The following AGBL4 variants were observed in gnomAD, a reference collection of about 807,000 sequenced individuals.
AGBL4 encodes the protein AGBL carboxypeptidase 4.
AGBL4 carries 58 observed loss-of-function variants against 66.4 expected under a neutral mutation model. The ratio of observed to expected loss-of-function variants is 0.87; its 90% CI spans 0.71 to 1.09. The LOEUF is 1.09. Ranked by LOEUF, AGBL4 falls within the 50% of genes least tolerant of loss-of-function variation. The pLI is 0.00. For missense variants in AGBL4, 579 were observed against 631.0 expected (o/e 0.92, Z 0.88); for synonymous variants, 234 against 222.9 (o/e 1.05, Z -0.44).
At chr1:49,560,877 T>G (rs1644021380) in intron 3 of AGBL4, among the ~76,000 whole-genome samples, 2 of 151,938 alleles carry the variant, frequency 1.3e-5, no homozygotes, top group Admixed American at 1.3e-4. Context: ...CCTTTAAACA[T>G]GAAGAGGGAA....
chr1:49,804,333 T>A (rs1235159655), intron 2 of AGBL4, among the ~76,000 whole-genome samples: 1 of 152,154 alleles, frequency 6.6e-6, no homozygotes, highest in Admixed American at 6.6e-5. Flanking sequence ...ATTTTGTGTG[T>A]GGCCCAAGAT....
At chr1:48,964,598 T>C (rs1658270118) in intron 5 of AGBL4, among the ~76,000 whole-genome samples, 1 of 152,196 alleles carries the variant, frequency 6.6e-6, no homozygotes, top group South Asian at 2.1e-4. Flanking sequence ...GAATTCCTTC[T>C]CTTTTATAGA....
intron 6 of AGBL4, among the ~76,000 whole-genome samples, chr1:48,802,817 C>T (rs928765891): frequency 6.6e-6 from 1 of 152,216 alleles, no homozygotes; most frequent in Non-Finnish European, 1.5e-5. Flanking sequence ...AATTTCACTT[C>T]ATACTTGAAC....
At position 49,053,180 on chromosome 1, in the gene AGBL4, T is replaced by C. The variant is rs117908693; in HGVS notation, c.378-7380A>G. 1.1e-3 allele frequency among the ~76,000 whole-genome samples: 163 copies of C among 152,210 alleles called. 6 individuals are homozygous for C. In the East Asian group the frequency reaches 0.026, roughly 24 times the overall value. On this transcript the variant is annotated intron_variant, in intron 4 of 13. Transcript: ENST00000371839. ...GTTCACACTAAGTGTGCTTAGGGTTTGAAATGGACAGAGCAAGTCAAGGTA... is the reference window on the plus strand; with the variant it reads ...GTTCACACTAAGTGTGCTTAGGGTTCGAAATGGACAGAGCAAGTCAAGGTA...
At chr1:49,539,010 T>C (rs1417316227) in intron 3 of AGBL4, among the ~76,000 whole-genome samples, 1 of 152,170 alleles carries the variant, frequency 6.6e-6, no homozygotes, top group East Asian at 1.9e-4. Context: ...CTATCATTTA[T>C]AGCAAGAAAT....
At chr1:49,554,865 G>A (rs556715541) in intron 3 of AGBL4, among the ~76,000 whole-genome samples, 2 of 152,226 alleles carry the variant, frequency 1.3e-5, no homozygotes, top group South Asian at 4.2e-4. Context: ...GCTCTTAAAG[G>A]CGGCGCGTCT....
At position 48,807,513 on chromosome 1, in the gene AGBL4, C is replaced by T. The variant is rs546050955; in HGVS notation, c.634+59678G>A. On this transcript the variant is annotated intron_variant, in intron 6 of 13. Transcript: ENST00000371839. ...TGGTATCCACACTTCTGAAATTGCACGAGCCTCCCTGTGAGAGGTGAAAGT... is the reference window on the plus strand; with the variant it reads ...TGGTATCCACACTTCTGAAATTGCATGAGCCTCCCTGTGAGAGGTGAAAGT... Among the ~76,000 whole-genome samples, 64 of 152,246 alleles carry T rather than the reference C, an allele frequency of 4.2e-4. 1 individual carries two copies. The highest frequency in any genetic ancestry group is 1.4e-3 in the African/African-American group (59 of 41,536).
chr1:48,769,972 T>C (rs915395111), intron 6 of AGBL4, among the ~76,000 whole-genome samples: 2 of 152,208 alleles, frequency 1.3e-5, no homozygotes, highest in African/African-American at 4.8e-5. Context: ...AGAAGTCATC[T>C]AACCAAACTC....
intron 5 of AGBL4, among the ~76,000 whole-genome samples, chr1:48,955,174 C>T (rs1657330734): frequency 6.6e-6 from 1 of 152,160 alleles, no homozygotes; most frequent in Non-Finnish European, 1.5e-5. Flanking sequence ...AATAAATGTC[C>T]TCCTCCATGG....
chr1:49,397,428 G>T (rs1244486580), intron 3 of AGBL4, among the ~76,000 whole-genome samples: 1 of 152,102 alleles, frequency 6.6e-6, no homozygotes, highest in Non-Finnish European at 1.5e-5. Context: ...TCCCTTCTCT[G>T]ATCATTAGAA....
At chr1:48,583,118 G>A (rs936102681) in intron 11 of AGBL4, among the ~76,000 whole-genome samples, 1 of 152,184 alleles carries the variant, frequency 6.6e-6, no homozygotes, top group Non-Finnish European at 1.5e-5. Context: ...ATCTCCCACT[G>A]TGTGAATCAG....
At chr1:48,759,866 C>G (rs1644162127) in intron 6 of AGBL4, among the ~76,000 whole-genome samples, 1 of 152,222 alleles carries the variant, frequency 6.6e-6, no homozygotes, top group South Asian at 2.1e-4. Context: ...CTTATTTTCT[C>G]TGTTTCTCCT....
intron 3 of AGBL4, among the ~76,000 whole-genome samples, chr1:49,256,831 C>G (rs143234303): frequency 6.6e-6 from 1 of 152,056 alleles, no homozygotes; most frequent in East Asian, 1.9e-4. Context: ...TGGGAATAGA[C>G]GCAATACATA....
chr1:49,917,020 C>T (rs546008026), intron 1 of AGBL4, among the ~76,000 whole-genome samples: 286 of 152,260 alleles, frequency 1.9e-3, no homozygotes, highest in Non-Finnish European at 3.2e-3. Flanking sequence ...AAATCCTTTA[C>T]AGACAAGCAA....
At chr1:49,247,729 A>G (rs896475051) in intron 3 of AGBL4, among the ~76,000 whole-genome samples, 6 of 152,208 alleles carry the variant, frequency 3.9e-5, no homozygotes, top group South Asian at 4.1e-4. Context: ...GAATAAAGAA[A>G]TGAGAAATAA....
intron 6 of AGBL4, 151 bp from the exon 7 acceptor site, chr1:48,663,392 T>C (rs1240874630): frequency 1.5e-6 from 1 of 674,138 alleles, no homozygotes; most frequent in East Asian, 2.7e-5. Context: ...GGTCCAGCCA[T>C]TGCTGACTAA....
intron 6 of AGBL4, chr1:48,761,297 T>G (rs572740803): frequency 1.3e-6 from 2 of 1,520,250 alleles, no homozygotes; most frequent in African/African-American, 2.8e-5. Context: ...TATCTGAAAA[T>G]GCTCCAGCAT....
chr1:49,044,717 G>A (rs937750962), intron 5 of AGBL4, among the ~76,000 whole-genome samples: 1 of 152,102 alleles, frequency 6.6e-6, no homozygotes, highest in Admixed American at 6.5e-5. Context: ...AAGTGAAAGA[G>A]AGCTCATATC....
At chr1:49,804,757 C>G (rs966043234) in intron 2 of AGBL4, among the ~76,000 whole-genome samples, 10 of 152,144 alleles carry the variant, frequency 6.6e-5, no homozygotes, top group African/African-American at 2.4e-4. Flanking sequence ...AGATAGAAAC[C>G]TATTAATACA....
Sources: gnomAD v4.1 joint callset for allele counts (sites outside exome capture counted in the v4.1 genomes callset) on GRCh38, gnomAD v4.1.1 for gene constraint, MANE v1.5 for transcripts, NCBI Gene and HGNC (gene_info 2026-07-23, HGNC 2026-07-21) for gene names.